The following MYO1E variants were observed in gnomAD, a reference collection of about 807,000 sequenced individuals.
MYO1E encodes the protein unconventional myosin-Ie.
Under a neutral mutation model 151.1 loss-of-function variants are expected in MYO1E, and 68 were observed. The observed-to-expected ratio is 0.45, with a 90% confidence interval of 0.37 to 0.55. The LOEUF is 0.55. Among genes scored for constraint, MYO1E ranks in the 20% least tolerant of loss-of-function variants. The probability of loss-of-function intolerance (pLI) is 0.00; values close to 1 mark genes in which losing one functional copy is unlikely to be tolerated. For synonymous variants in MYO1E, 601 were observed against 501.7 expected (o/e 1.20, Z -2.64); for missense variants, 1,363 against 1,389.3 (o/e 0.98, Z 0.30).
intron 1 of MYO1E, among the ~76,000 whole-genome samples, chr15:59,366,308 CTT>C (rs1407922582): frequency 9.0e-6 from 1 of 110,872 alleles, no homozygotes; most frequent in Non-Finnish European, 2.0e-5. Flanking sequence ...CTCTCTCTCT[CTT>C]TCTCTCTCTC....
At chr15:59,204,697 A>C (rs1318129110) in intron 15 of MYO1E, among the ~76,000 whole-genome samples, 1 of 152,166 alleles carries the variant, frequency 6.6e-6, no homozygotes. Flanking sequence ...GGGAGTTAAA[A>C]TGGATCTCTT....
intron 1 of MYO1E, among the ~76,000 whole-genome samples, chr15:59,286,050 G>A (rs1426031225): frequency 6.6e-6 from 1 of 152,204 alleles, no homozygotes; most frequent in East Asian, 1.9e-4. Flanking sequence ...TAAAGACAGG[G>A]AGGTAACTGA....
intron 23 of MYO1E, among the ~76,000 whole-genome samples, chr15:59,161,885 A>C (rs2079540006): frequency 6.6e-6 from 1 of 152,244 alleles, no homozygotes; most frequent in African/African-American, 2.4e-5. Context: ...TGATATCATA[A>C]GAAGGAAAAA....
At chr15:59,277,749 T>C (rs548262180) in intron 1 of MYO1E, among the ~76,000 whole-genome samples, 1 of 152,282 alleles carries the variant, frequency 6.6e-6, no homozygotes, top group South Asian at 2.1e-4. Context: ...AAGGAGTACT[T>C]TGCAGTCATT....
intron 24 of MYO1E, among the ~76,000 whole-genome samples, chr15:59,160,787 G>C (rs149288616): frequency 2.8e-4 from 42 of 152,170 alleles, no homozygotes; most frequent in African/African-American, 1.0e-3. Flanking sequence ...ACTGGAAAGG[G>C]AGGGGAAATT....
At chr15:59,228,907 C>G (rs901736102) in intron 6 of MYO1E, among the ~76,000 whole-genome samples, 11 of 152,298 alleles carry the variant, frequency 7.2e-5, no homozygotes, top group Admixed American at 7.2e-4. Flanking sequence ...GGCGGCCAGC[C>G]TCTAACTGTC....
intron 1 of MYO1E, among the ~76,000 whole-genome samples, chr15:59,321,802 A>T (rs1388640010): frequency 6.6e-6 from 1 of 151,964 alleles, no homozygotes; most frequent in Non-Finnish European, 1.5e-5. Context: ...TCTTGAGCCC[A>T]GGAGGTTGAG....
chr15:59,372,233 G>T (rs938900347), intron 1 of MYO1E, among the ~76,000 whole-genome samples: 2 of 152,118 alleles, frequency 1.3e-5, no homozygotes, highest in Non-Finnish European at 2.9e-5. Flanking sequence ...GCTTCCGACA[G>T]CTGGCAGCCA....
At chr15:59,189,886 GT>G (rs1378422607) in intron 17 of MYO1E, among the ~76,000 whole-genome samples, 2 of 152,330 alleles carry the variant, frequency 1.3e-5, no homozygotes, top group African/African-American at 4.8e-5. Flanking sequence ...AAAAATGGAT[GT>G]AAAGAACTAT....
At chr15:59,178,606 G>T in intron 18 of MYO1E, 69 bp from the exon 19 acceptor site, 1 of 1,573,206 alleles carries the variant, frequency 6.4e-7, no homozygotes. Context: ...CCCGGGCAAG[G>T]CAGCAAGAGC....
chr15:59,303,590 A>G (rs568972067), intron 1 of MYO1E, among the ~76,000 whole-genome samples: 2 of 152,338 alleles, frequency 1.3e-5, no homozygotes, highest in Admixed American at 6.5e-5. Flanking sequence ...ATAGATACAT[A>G]AAATGCAAAA....
At chr15:59,240,166 G>T (rs1319337398) in intron 4 of MYO1E, among the ~76,000 whole-genome samples, 1 of 152,158 alleles carries the variant, frequency 6.6e-6, no homozygotes, top group Non-Finnish European at 1.5e-5. Flanking sequence ...TATCAGAATC[G>T]TCAGAGTACT....
intron 1 of MYO1E, among the ~76,000 whole-genome samples, chr15:59,369,941 T>C (rs1596447098): frequency 1.3e-5 from 2 of 152,138 alleles, no homozygotes; most frequent in Admixed American, 6.5e-5. Context: ...GTTCTCCCTA[T>C]AGCCCAGCCA....
chr15:59,361,307 G>A (rs1268948635), intron 1 of MYO1E, among the ~76,000 whole-genome samples: 1 of 152,216 alleles, frequency 6.6e-6, no homozygotes, highest in Non-Finnish European at 1.5e-5. Flanking sequence ...AAGTTACTGA[G>A]TTTGGGTGAT....
At chr15:59,336,657 T>G (rs1179222018) in intron 1 of MYO1E, among the ~76,000 whole-genome samples, 1 of 152,090 alleles carries the variant, frequency 6.6e-6, no homozygotes, top group African/African-American at 2.4e-5. Context: ...ACGTGCGGGT[T>G]TGTTACATAG....
At chr15:59,143,214 T>C (rs1168468747) in intron 26 of MYO1E, among the ~76,000 whole-genome samples, 1 of 152,176 alleles carries the variant, frequency 6.6e-6, no homozygotes, top group Non-Finnish European at 1.5e-5. Flanking sequence ...ATGCTGGCAG[T>C]GTAAGCCATT....
At chr15:59,206,882 C>G in intron 14 of MYO1E, 1 of 1,534,576 alleles carries the variant, frequency 6.5e-7, no homozygotes, top group Non-Finnish European at 8.8e-7. Context: ...CTTGGCGTCT[C>G]AACGTTCGGA....
At chr15:59,259,958 G>A (rs2080215817) in intron 3 of MYO1E, among the ~76,000 whole-genome samples, 1 of 152,194 alleles carries the variant, frequency 6.6e-6, no homozygotes, top group Non-Finnish European at 1.5e-5. Context: ...TAGATGTTAT[G>A]ACACAGCCAG....
intron 1 of MYO1E, among the ~76,000 whole-genome samples, chr15:59,369,889 G>GCA (rs1191258177): frequency 1.1e-4 from 16 of 151,700 alleles, no homozygotes; most frequent in African/African-American, 3.4e-4. Flanking sequence ...AAAGACACAC[G>GCA]CACACACACA....
Sources: allele counts gnomAD v4.1 joint callset (sites outside exome capture counted in the v4.1 genomes callset), GRCh38; gene constraint gnomAD v4.1.1; transcripts MANE v1.5; gene names NCBI Gene and HGNC (gene_info 2026-07-23, HGNC 2026-07-21).